TSPAN2: variants seen among roughly 807,000 people sequenced by gnomAD.
TSPAN2 encodes the protein tetraspanin-2.
In TSPAN2, 24 loss-of-function variants were observed where a neutral mutation model predicts 33.3. The observed-to-expected ratio is 0.72, with a 90% confidence interval of 0.52 to 1.01. The LOEUF is 1.01. TSPAN2 is among the 50% of genes least tolerant of loss of function. TSPAN2 has a pLI of 0.00. For missense variants in TSPAN2, 278 were observed against 281.3 expected, an observed-to-expected ratio of 0.99 and a Z score of 0.08; for synonymous variants, 114 against 104.5, an observed-to-expected ratio of 1.09 and a Z score of -0.56.
chr1:115,058,824 C>A (rs1195694257), intron 5 of TSPAN2, 59 bp downstream of exon 5: 6 of 1,360,884 alleles, frequency 4.4e-6, no homozygotes, highest in South Asian at 2.4e-5. Context: ...TTGGTGAGAA[C>A]CTGGCTCACA....
At chr1:115,056,560 T>C (rs1218226536) in intron 6 of TSPAN2, among the ~76,000 whole-genome samples, 1 of 152,174 alleles carries the variant, frequency 6.6e-6, no homozygotes, top group Non-Finnish European at 1.5e-5. Flanking sequence ...TTCTGCCCAA[T>C]GCTTGCATAA....
At chr1:115,060,670 A>G (rs1029118432) in intron 3 of TSPAN2, 132 bp from the exon 4 acceptor site, 2 of 704,768 alleles carry the variant, frequency 2.8e-6, no homozygotes, top group Non-Finnish European at 4.8e-6. Flanking sequence ...TCATTCAGCA[A>G]TTGTTTATTA....
rs1474429392 is a variant in TSPAN2 at position 115,050,397 on chromosome 1, A to T, written c.*93T>A. On this transcript the variant is annotated 3_prime_UTR_variant, in exon 8 of 8. Transcript: ENST00000369516. ...TTGACAGCAAATTATTTTAGATCCT[A>T]ATGTCATTTCAGTGTTAAAAATGAG... is the stretch of plus-strand genomic sequence containing the variant. The T allele has an allele frequency of 1.6e-5, 18 of 1,109,290 alleles. No homozygotes were observed. Among genetic ancestry groups the T allele is most frequent in the Admixed American group, 3.5e-5 (2 of 57,898 alleles). 68.7% of individuals were successfully genotyped at this position (1,109,290 alleles called of 1,614,324 possible).
At chr1:115,065,412 C>T (rs1647913437) in intron 2 of TSPAN2, among the ~76,000 whole-genome samples, 1 of 152,204 alleles carries the variant, frequency 6.6e-6, no homozygotes, top group South Asian at 2.1e-4. Context: ...GTGTGACAAA[C>T]ATACGACCTA....
rs200123414 is a variant in TSPAN2 at position 115,053,370 on chromosome 1, C to A, written c.600+9G>T. ...AGGGCAAAAAGGGTAAGTTCTAGAA[C>A]TTTCTCACCGTCAGACCTGCAATTC... is the stretch of plus-strand genomic sequence containing the variant. On this transcript the variant is annotated intron_variant, in intron 7 of 7. Coordinates refer to ENST00000369516, the MANE Select transcript of TSPAN2 (RefSeq NM_005725.6). The A allele has an allele frequency of 2.7e-5, 43 of 1,613,498 alleles. No individual in the cohort carries two copies. The highest frequency in any genetic ancestry group is 4.2e-6 in the Non-Finnish European group (5 of 1,179,512).
intron 6 of TSPAN2, among the ~76,000 whole-genome samples, chr1:115,053,862 C>T (rs557913974): frequency 5.6e-4 from 85 of 152,306 alleles, no homozygotes; most frequent in Non-Finnish European, 8.1e-4. Flanking sequence ...AAAATACTTT[C>T]TATGTCTTTG....
intron 1 of TSPAN2, among the ~76,000 whole-genome samples, chr1:115,077,351 TAAG>T (rs1648456411): frequency 1.3e-5 from 2 of 150,782 alleles, no homozygotes; most frequent in African/African-American, 4.9e-5. Flanking sequence ...AAAAAGAAGA[TAAG>T]AATGCAGGGA....
In TSPAN2 at chr1:115,072,889, A is replaced by G. The variant is rs750288837; in HGVS notation, c.172+16T>C. 2.5e-5 allele frequency: 40 copies of G among 1,595,786 alleles called. No individual in the cohort carries two copies. The highest frequency in any genetic ancestry group is 4.0e-5 in the African/African-American group (3 of 74,518). On this transcript the variant is annotated intron_variant, in intron 2 of 7. Transcript: ENST00000369516. ...ATCTACTCTGAGCTGGAGCTTAGGA[A>G]GCTGGAGTCACTCACCCACATAGAA...
chr1:115,069,256 T>C (rs1390688506), intron 2 of TSPAN2, among the ~76,000 whole-genome samples: 2 of 152,168 alleles, frequency 1.3e-5, no homozygotes, highest in African/African-American at 4.8e-5. Context: ...CCACTTCTTT[T>C]TCTCTATTAG....
rs966252922 is a variant in TSPAN2 at position 115,048,500 on chromosome 1, A to T, written c.*1990T>A. 4 of 151,876 alleles carry T rather than the reference A, an allele frequency of 2.6e-5. No individual in the cohort carries two copies. Among genetic ancestry groups the T allele is most frequent in the African/African-American group, 9.7e-5 (4 of 41,410 alleles). 9.4% of individuals were successfully genotyped at this position (151,876 alleles called of 1,614,324 possible). A position where few individuals can be genotyped will look rare whatever the true frequency, so the allele number is the denominator to read the frequency against. On this transcript the variant is annotated 3_prime_UTR_variant, in exon 8 of 8. Transcript: ENST00000369516. ...CTTCTCTTCTACTTTAATTAATTTC[A>T]TTTTAAATTTATTTATTTCTATTCT...
chr1:115,061,173 AT>A (rs1647704934), intron 3 of TSPAN2, among the ~76,000 whole-genome samples: 1 of 152,250 alleles, frequency 6.6e-6, no homozygotes, highest in Non-Finnish European at 1.5e-5. Context: ...TAAGTCAGAC[AT>A]TTCACATAGC....
rs780636074 is a variant in TSPAN2, at chr1:115,053,397, A to G, written c.582T>C (p.Ile194=). The change falls in exon 7 of 8, where the codon ATT becomes ATC. Residue 194 remains isoleucine, a synonymous_variant. Transcript: ENST00000369516. Reference sequence around the variant, plus strand: ...TTCTCACCGTCAGACCTGCAATTCCAATACCGACAATTCCAATGAGCTGGA... The same window carrying G: ...TTCTCACCGTCAGACCTGCAATTCCGATACCGACAATTCCAATGAGCTGGA... ...VKLQLIGIVG[I]GIAGLTIFGM... is the part of the protein sequence containing the mutation. The G allele has an allele frequency of 6.2e-7, 1 of 1,614,010 alleles. No individual in the cohort carries two copies. The highest frequency in any genetic ancestry group is 1.7e-5 in the Admixed American group (1 of 60,022).
At chr1:115,081,596 T>G (rs1648627145) in intron 1 of TSPAN2, among the ~76,000 whole-genome samples, 1 of 152,200 alleles carries the variant, frequency 6.6e-6, no homozygotes, top group Admixed American at 6.5e-5. Context: ...ACTCTGGCAC[T>G]TACTGGTCCT....
At position 115,058,933 on chromosome 1, in the gene TSPAN2, G is replaced by A; in HGVS notation, c.394C>T (p.Leu132Phe). The change falls in exon 5 of 8, where the codon CTT becomes TTT. Residue 132 changes from leucine to phenylalanine, a missense_variant. Coordinates refer to ENST00000369516, the MANE Select transcript of TSPAN2 (RefSeq NM_005725.6). ...TMYEEAYNDY[L>F]KDRGKGNGTL... Reference sequence around the variant, plus strand: ...CCATTGCCTTTTCCCCTGTCTTTAAGGTAATCATTGTAAGCCTCTTCATAC... The same window carrying A: ...CCATTGCCTTTTCCCCTGTCTTTAAAGTAATCATTGTAAGCCTCTTCATAC... The A allele has an allele frequency of 6.2e-6, 10 of 1,614,122 alleles. No homozygotes were observed. The highest frequency in any genetic ancestry group is 8.5e-6 in the Non-Finnish European group (10 of 1,179,992).
At position 115,060,532 on chromosome 1, in the gene TSPAN2, T is replaced by C; in HGVS notation, c.277A>G (p.Thr93Ala). The C allele has an allele frequency of 6.2e-7, 1 of 1,612,756 alleles. No homozygotes were observed. The highest frequency in any genetic ancestry group is 8.5e-7 in the Non-Finnish European group (1 of 1,179,254). ...ESQCVLGSFF[T>A]CLLVIFAAEV... ...GCAGCAAATATCACCAGGAGGCAGG[T>C]AAAAAACTGTAGAGGAGAGAAAATA... The change falls in exon 4 of 8, where the codon ACC becomes GCC. Residue 93 changes from threonine to alanine, a missense_variant. By Grantham distance (58) the Thr-to-Ala change is moderately conservative. Transcript: ENST00000369516.
At chr1:115,051,560 A>T (rs1055448058) in intron 7 of TSPAN2, among the ~76,000 whole-genome samples, 3 of 152,234 alleles carry the variant, frequency 2.0e-5, no homozygotes, top group Non-Finnish European at 4.4e-5. Context: ...ACAATTTTGT[A>T]GAGCCCATGG....
At position 115,062,153 on chromosome 1, in the gene TSPAN2, C is replaced by A. The variant is rs755684611; in HGVS notation, c.252G>T (p.Ser84=). ...CACTTACTGATCCAAGCACACATTG[C>A]GACTCCCGCATGGCTCCGCAGCACC... The part of the protein sequence containing the change: ...FFGCCGAMRE[S]QCVLGSFFTC... Residue 84 remains serine (S), a synonymous_variant, in exon 3 of 8, where the codon TCG becomes TCT. Transcript: ENST00000369516. The A allele has an allele frequency of 8.1e-6, 13 of 1,595,316 alleles. No individual in the cohort carries two copies. The highest frequency in any genetic ancestry group is 2.3e-5 in the East Asian group (1 of 44,018).
chr1:115,070,723 C>T (rs1176816596), intron 2 of TSPAN2, among the ~76,000 whole-genome samples: 1 of 152,126 alleles, frequency 6.6e-6, no homozygotes, highest in African/African-American at 2.4e-5. Flanking sequence ...TCTTTAAAAC[C>T]TAACTTAAAT....
chr1:115,062,224 C>T lies in TSPAN2; in HGVS notation c.181G>A (p.Val61Ile), dbSNP rs141905745. Residue 61 changes from valine (V) to isoleucine (I), a missense_variant, in exon 3 of 8, where the codon GTT becomes ATT. Transcript: ENST00000369516. ...SPEYFYVGLY[V>I]LVGAGALMMA... ...ATCAGGGCCCCGGCTCCAACCAGAA[C>T]ATACAGCCCTGTGGGGAAGAGGTCA... 1.8e-5 allele frequency: 28 copies of T among 1,588,570 alleles called. No individual in the cohort carries two copies. In the African/African-American group the frequency reaches 2.8e-4, roughly 16 times the overall value.
Sources: gnomAD v4.1 joint callset for allele counts (sites outside exome capture counted in the v4.1 genomes callset) on GRCh38, gnomAD v4.1.1 for gene constraint, MANE v1.5 for transcripts, NCBI Gene and HGNC (gene_info 2026-07-23, HGNC 2026-07-21) for gene names.